The following NOTCH4 variants were observed in gnomAD, a reference collection of about 807,000 sequenced individuals.
NOTCH4 encodes the protein notch receptor 4.
NOTCH4 carries 138 observed loss-of-function variants against 189.0 expected under a neutral mutation model. That is an observed-to-expected ratio of 0.73 (90% confidence interval 0.64 to 0.84). The LOEUF (loss-of-function observed/expected upper bound fraction) is 0.84, where lower values mean the gene tolerates loss of function less well. NOTCH4 is among the 40% of genes least tolerant of loss of function. The pLI is 0.00. For synonymous variants in NOTCH4, 942 were observed against 1,032.8 expected, an observed-to-expected ratio of 0.91 and a Z score of 1.69; for missense variants, 2,286 against 2,605.4, an observed-to-expected ratio of 0.88 and a Z score of 2.67.
At position 32,214,216 on chromosome 6, in the gene NOTCH4, CT is replaced by C; in HGVS notation, c.2060del (p.Glu687GlyfsTer6). On this transcript the variant is annotated frameshift_variant, in exon 13 of 30. Coordinates refer to ENST00000375023, the MANE Select transcript of NOTCH4 (RefSeq NM_004557.4). LOFTEE classifies it high-confidence loss of function. ...CVCDVGWTGP[E>X]CEAELGGCIS... ...TGCAGCCCCCTAGCTCTGCCTCACA[CT>C]CTGGCCCCGTCCAACCCACGTCACA... 1 of 1,613,680 alleles carries C rather than the reference CT, an allele frequency of 6.2e-7. No individual in the cohort carries two copies. The highest frequency in any genetic ancestry group is 1.1e-5 in the South Asian group (1 of 91,052).
At position 32,195,199 on chromosome 6, in the gene NOTCH4, G is replaced by C. The variant is rs1324322454; in HGVS notation, c.*238C>G. The C allele has an allele frequency of 1.8e-6, 1 of 544,688 alleles. No individual in the cohort carries two copies. The highest frequency in any genetic ancestry group is 3.2e-6 in the Non-Finnish European group (1 of 312,028). The allele number at this position is 544,688 out of a possible 1,614,324, so 33.7% of individuals were successfully genotyped here. The stretch of plus-strand genomic sequence containing the variant: ...ACTCCACTCTGCCCTCCTGTGGCCT[G>C]TCTTATTTTCTGGAGGAGGACTGGG... On this transcript the variant is annotated 3_prime_UTR_variant, in exon 30 of 30. Coordinates refer to ENST00000375023, the MANE Select transcript of NOTCH4 (RefSeq NM_004557.4). The surrounding 1 kb of genome is among the most constrained non-coding windows in gnomAD (Gnocchi z 5.4).
At chr6:32,203,732 T>G in intron 20 of NOTCH4, 38 bp downstream of exon 20, 1 of 1,456,706 alleles carries the variant, frequency 6.9e-7, no homozygotes, top group Non-Finnish European at 9.4e-7. Flanking sequence ...CTTGTCAGCA[T>G]AGGGGGCAAC....
At position 32,219,436 on chromosome 6, in the gene NOTCH4, G is replaced by A. The variant is rs111394117; in HGVS notation, c.1510+156C>T. ...GGTAACCCCTCTCCTAGGGGTCTTG[G>A]GTGTCCCTGAGTTTTCGTCTGGGGG... On this transcript the variant is annotated intron_variant, in intron 8 of 29. Transcript: ENST00000375023. Among the ~76,000 whole-genome samples the A allele has an allele frequency of 8.5e-3, 1,291 of 152,222 alleles. 13 individuals carry two copies. The highest frequency in any genetic ancestry group is 0.04 in the South Asian group (195 of 4,820).
In NOTCH4 at chr6:32,198,438, A is replaced by G; in HGVS notation, c.4739T>C (p.Leu1580Pro). The G allele has an allele frequency of 1.2e-6, 2 of 1,611,904 alleles. No individual in the cohort carries two copies. Among genetic ancestry groups the G allele is most frequent in the Admixed American group, 1.7e-5 (1 of 59,858 alleles). The change falls in exon 26 of 30, where the codon CTG becomes CCG. Residue 1580 changes from leucine to proline, a missense_variant. Leu to Pro is a moderately conservative substitution (Grantham distance 98). This residue lies in a region of NOTCH4 where 1,903 missense variants were observed against 2,261.9 expected (regional missense o/e 0.84). Coordinates refer to ENST00000375023, the MANE Select transcript of NOTCH4 (RefSeq NM_004557.4). This position sits in a 1 kb window ranked among gnomAD's most constrained non-coding sequence, Gnocchi z 5.5. ...PQESEMEAPD[L>P]DTRGPDGVTP... Reference sequence around the variant, plus strand: ...TCACATACCAGGTCCACGGGTGTCCAGGTCAGGGGCTTCCATCTCAGATTC... The same window carrying G: ...TCACATACCAGGTCCACGGGTGTCCGGGTCAGGGGCTTCCATCTCAGATTC...
At position 32,218,047 on chromosome 6, in the gene NOTCH4, G is replaced by T; in HGVS notation, c.1572C>A (p.Asn524Lys). 6.2e-7 allele frequency: 1 copy of T among 1,614,046 alleles called. No homozygotes were observed. Among genetic ancestry groups the T allele is most frequent in the Non-Finnish European group, 8.5e-7 (1 of 1,179,960 alleles). ...TNECASAPCL[N>K]HADCHDLLNG... is the part of the protein sequence containing the mutation. ...TGAGCAGGTCATGGCAATCCGCGTG[G>T]TTCAGGCAGGGAGCTGAGGCACACT... The change falls in exon 9 of 30, where the codon AAC (asparagine) becomes AAA (lysine). Residue 524 changes from asparagine to lysine, a missense_variant. Asn to Lys is a moderately conservative substitution (Grantham distance 94, BLOSUM62 0). Around this residue, in one of 2 missense-constraint regions of NOTCH4, gnomAD observed 1,903 missense variants for 2,261.9 expected, o/e 0.84. Coordinates refer to ENST00000375023, the MANE Select transcript of NOTCH4 (RefSeq NM_004557.4).
rs769443151 is a variant in NOTCH4 at position 32,196,072 on chromosome 6, G to C, written c.5377C>G (p.Arg1793Gly). Residue 1793 changes from arginine to glycine, a missense_variant, in exon 30 of 30, where the codon CGA (arginine) becomes GGA (glycine). Physicochemically the swap from Arg to Gly is moderately radical, Grantham distance 125. Coordinates refer to ENST00000375023, the MANE Select transcript of NOTCH4 (RefSeq NM_004557.4). ...AGCCCAGCCTGGTCCCGCAGCTCTC[G>C]GGCTGCCCCCAGCCCCAGCAGTAGC... ...AQLLLGLGAA[R>G]ELRDQAGLAP... 5 of 1,593,176 alleles carry C rather than the reference G, an allele frequency of 3.1e-6. No homozygotes were observed. Among genetic ancestry groups the C allele is most frequent in the Non-Finnish European group, 4.2e-6 (5 of 1,176,796 alleles).
intron 11 of NOTCH4, chr6:32,216,636 A>G (rs780927757): frequency 1.3e-4 from 66 of 502,692 alleles, no homozygotes; most frequent in African/African-American, 3.5e-4. Context: ...TTGCCTCCGT[A>G]TCTGGCATAG....
chr6:32,196,591 A>T (rs1182705172), intron 28 of NOTCH4, among the ~76,000 whole-genome samples, 170 bp from the exon 29 acceptor site: 1 of 152,132 alleles, frequency 6.6e-6, no homozygotes. Flanking sequence ...TGCCCTGGTG[A>T]CGTCACCAGT....
rs1389919832 is a variant in NOTCH4, at chr6:32,218,095, C to G, written c.1524G>C (p.Gln508His). Residue 508 changes from glutamine to histidine, a missense_variant, in exon 9 of 30, where the codon CAG (glutamine) becomes CAC (histidine). By Grantham distance (24) the Gln-to-His change is conservative. This residue lies in a region of NOTCH4 where 1,903 missense variants were observed against 2,261.9 expected (regional missense o/e 0.84). Transcript: ENST00000375023. ...ACTCGTTGGTCTCCACCTCACAGAG[C>G]TGCCCTTCTAAGCCTGGGGACATGG... ...HCLCPPGLEG[Q>H]LCEVETNECA... The G allele has an allele frequency of 1.2e-6, 2 of 1,611,734 alleles. No individual in the cohort carries two copies. Among genetic ancestry groups the G allele is most frequent in the South Asian group, 2.2e-5 (2 of 90,680 alleles).
chr6:32,197,820 T>TC (rs1337807797), intron 26 of NOTCH4, among the ~76,000 whole-genome samples: 2 of 52,388 alleles, frequency 3.8e-5, no homozygotes, highest in Non-Finnish European at 4.8e-5. Context: ...TGGTTTTCTC[T>TC]TTTTTTTTTT....
chr6:32,223,225 C>A, intron 1 of NOTCH4, 139 bp from the exon 2 acceptor site: 1 of 705,968 alleles, frequency 1.4e-6, no homozygotes, highest in Non-Finnish European at 2.6e-6. Flanking sequence ...TCTGTCCCCA[C>A]TCTCCACATG....
chr6:32,198,486 G>C lies in NOTCH4; in HGVS notation c.4691C>G (p.Ala1564Gly). Reference protein sequence around the residue: ...LSGGCGALPQAAMLTPPQESE... With the variant: ...LSGGCGALPQGAMLTPPQESE... ...TTCCTGGGGAGGAGTTAGCATGGCT[G>C]CCTGAGGGAGCGCCCCACAGCCACC... Residue 1564 changes from alanine (A) to glycine (G), a missense_variant, in exon 26 of 30, where the codon GCA becomes GGA. By Grantham distance (60) the Ala-to-Gly change is moderately conservative (BLOSUM62 0). Around this residue, in one of 2 missense-constraint regions of NOTCH4, gnomAD observed 1,903 missense variants for 2,261.9 expected, o/e 0.84. Coordinates refer to ENST00000375023, the MANE Select transcript of NOTCH4 (RefSeq NM_004557.4). The surrounding 1 kb of genome is among the most constrained non-coding windows in gnomAD (Gnocchi z 5.5). 3 of 1,612,880 alleles carry C rather than the reference G, an allele frequency of 1.9e-6. No homozygotes were observed. In the South Asian group the frequency reaches 3.3e-5, roughly 18 times the overall value.
At position 32,196,314 on chromosome 6, in the gene NOTCH4, C is replaced by T; in HGVS notation, c.5298+10G>A. Reference sequence around the variant, plus strand: ...GACTGTTTTGTGGGAAGCCCTCTGTCCCATCTAACCCTGTTGTCCTGGGCA... The same window carrying T: ...GACTGTTTTGTGGGAAGCCCTCTGTTCCATCTAACCCTGTTGTCCTGGGCA... On this transcript the variant is annotated intron_variant, in intron 29 of 29. Coordinates refer to ENST00000375023, the MANE Select transcript of NOTCH4 (RefSeq NM_004557.4). The T allele has an allele frequency of 6.2e-7, 1 of 1,613,162 alleles. No homozygotes were observed. The highest frequency in any genetic ancestry group is 8.5e-7 in the Non-Finnish European group (1 of 1,180,044).
chr6:32,213,364 C>T (rs1789158198), intron 14 of NOTCH4, 112 bp from the exon 15 acceptor site: 2 of 675,834 alleles, frequency 3.0e-6, no homozygotes, highest in South Asian at 2.0e-5. Flanking sequence ...AACGACAGCT[C>T]ACTGCCATCC....
chr6:32,210,864 C>T lies in NOTCH4; in HGVS notation c.2753G>A (p.Cys918Tyr), dbSNP rs769456012. ...CAGGCTGCCTTGGAATCCAGGGGGGCAGTGGCAGAAATAGGAGGGGCCGCT... is the reference window on the plus strand; with the variant it reads ...CAGGCTGCCTTGGAATCCAGGGGGGTAGTGGCAGAAATAGGAGGGGCCGCT... ...VDSGPSYFCH[C>Y]PPGFQGSLCQ... Residue 918 changes from cysteine (C) to tyrosine (Y), a missense_variant, in exon 18 of 30, where the codon TGC (cysteine) becomes TAC (tyrosine). This residue lies in a region of NOTCH4 where 1,903 missense variants were observed against 2,261.9 expected (regional missense o/e 0.84). Transcript: ENST00000375023. The surrounding 1 kb of genome is among the most constrained non-coding windows in gnomAD (Gnocchi z 4.8). 6.2e-7 allele frequency: 1 copy of T among 1,612,746 alleles called. No individual in the cohort carries two copies. Among genetic ancestry groups the T allele is most frequent in the South Asian group, 1.1e-5 (1 of 91,046 alleles).
At chr6:32,219,883 G>T in intron 7 of NOTCH4, 97 bp from the exon 8 acceptor site, 2 of 1,047,164 alleles carry the variant, frequency 1.9e-6, no homozygotes, top group Non-Finnish European at 2.8e-6. Flanking sequence ...GCGTGTGGCA[G>T]ACGAGACCAA....
Position 32,220,602 on chromosome 6 carries a change from T to C in NOTCH4, c.962A>G (p.Gln321Arg), listed in dbSNP as rs1789696512. The C allele has an allele frequency of 1.9e-6, 3 of 1,613,664 alleles. No individual in the cohort carries two copies. The highest frequency in any genetic ancestry group is 2.5e-6 in the Non-Finnish European group (3 of 1,179,876). ...CSEDVDECET[Q>R]GPPHCRNGGT... ...CCCGTTTCTGCAGTGAGGGGGACCCTGGGTCTCACACTCATCCACATCTTC... is the reference window on the plus strand; with the variant it reads ...CCCGTTTCTGCAGTGAGGGGGACCCCGGGTCTCACACTCATCCACATCTTC... The change falls in exon 6 of 30, where the codon CAG becomes CGG. Residue 321 changes from glutamine to arginine, a missense_variant. This residue lies in a region of NOTCH4 where 1,903 missense variants were observed against 2,261.9 expected (regional missense o/e 0.84). Transcript: ENST00000375023.
chr6:32,197,578 CA>C lies in NOTCH4; in HGVS notation c.4772del (p.Leu1591ArgfsTer115), dbSNP rs1185035067. The C allele has an allele frequency of 3.7e-6, 6 of 1,611,364 alleles. No individual in the cohort carries two copies. Among genetic ancestry groups the C allele is most frequent in the Non-Finnish European group, 5.1e-6 (6 of 1,178,788 alleles). On this transcript the variant is annotated frameshift_variant, in exon 27 of 30. Coordinates refer to ENST00000375023, the MANE Select transcript of NOTCH4 (RefSeq NM_004557.4). LOFTEE classifies it high-confidence loss of function. ...DTRGPDGVTP[L>X]MSAVCCGEVQ... ...CTTCCCCACAGCAAACTGCTGACATCAGGGGTGTCACCCCATCTGTTGGTAA... is the reference window on the plus strand; with the variant it reads ...CTTCCCCACAGCAAACTGCTGACATCGGGGTGTCACCCCATCTGTTGGTAA...
intron 18 of NOTCH4, among the ~76,000 whole-genome samples, chr6:32,207,792 A>G (rs1194223719): frequency 6.6e-6 from 1 of 152,106 alleles, no homozygotes; most frequent in Non-Finnish European, 1.5e-5. Context: ...ACACAAGGTC[A>G]GGAGTTTGAG....
Sources: allele counts gnomAD v4.1 joint callset (sites outside exome capture counted in the v4.1 genomes callset), GRCh38; gene constraint gnomAD v4.1.1; regional missense constraint gnomAD v4.1.1; non-coding constraint Gnocchi (gnomAD v3.1); transcripts MANE v1.5; gene names NCBI Gene and HGNC (gene_info 2026-07-23, HGNC 2026-07-21).